EED: variants seen among roughly 807,000 people sequenced by gnomAD.
EED encodes embryonic ectoderm development, also known as polycomb protein EED.
A neutral mutation model predicts 61.0 loss-of-function variants in EED; 9 were observed. The observed-to-expected ratio is 0.15, with a 90% CI of 0.09 to 0.26. The LOEUF (loss-of-function observed/expected upper bound fraction) is 0.26, where lower values mean the gene tolerates loss of function less well. EED is among the 10% of genes least tolerant of loss of function. EED has a pLI of 1.00. For missense variants in EED, 315 were observed against 542.3 expected (o/e 0.58, Z 4.16); for synonymous variants, 187 against 174.4 (o/e 1.07, Z -0.57).
At chr11:86,282,298 T>C (rs977539820), downstream of EED, among the ~76,000 whole-genome samples, 3 of 152,240 alleles carry the variant, frequency 2.0e-5, no homozygotes, top group African/African-American at 7.2e-5. Context: ...TAATTGCTTT[T>C]AGTGATGGGA....
intron 3 of EED, among the ~76,000 whole-genome samples, chr11:86,253,533 A>C (rs1025399971): frequency 6.6e-6 from 1 of 152,234 alleles, no homozygotes; most frequent in African/African-American, 2.4e-5. Flanking sequence ...AATTATAAAA[A>C]GTTCTGCTGT....
intron 1 of EED, 80 bp downstream of exon 1, chr11:86,245,423 C>T (rs1257254370): frequency 2.0e-5 from 24 of 1,193,110 alleles, no homozygotes; most frequent in Non-Finnish European, 2.8e-5. Context: ...CGGGGACGAG[C>T]GGGCTGCTGT....
chr11:86,267,915 T>C (rs986591716), intron 8 of EED: 5 of 152,008 alleles, frequency 3.3e-5, no homozygotes, highest in Non-Finnish European at 7.3e-5. Context: ...ACTTAAGAAA[T>C]TTTAAATTCC....
intron 2 of EED, 23 bp from the exon 3 acceptor site, chr11:86,252,122 TTTC>T: frequency 6.3e-7 from 1 of 1,587,144 alleles, no homozygotes; most frequent in Non-Finnish European, 8.6e-7. Context: ...ACATTAATCT[TTTC>T]TTATTTCATG....
the EED span, among the ~76,000 whole-genome samples, chr11:86,285,116 C>T: frequency 1.9e-3 from 282 of 150,298 alleles, 1 homozygote; most frequent in African/African-American, 6.6e-3. Context: ...GTCTCAAAAA[C>T]GAAAAACCAA....
At chr11:86,280,224 T>G (rs1056657692), downstream of EED, among the ~76,000 whole-genome samples, 1 of 152,128 alleles carries the variant, frequency 6.6e-6, no homozygotes, top group African/African-American at 2.4e-5. Flanking sequence ...CCAGGTAGCT[T>G]GGATTACAGG....
intron 1 of EED, among the ~76,000 whole-genome samples, chr11:86,247,636 C>T (rs558542678): frequency 6.6e-6 from 1 of 152,036 alleles, no homozygotes; most frequent in African/African-American, 2.4e-5. Flanking sequence ...TTTTTTTTCC[C>T]CATTTGAGTT....
At chr11:86,279,835 C>A (rs868365335), downstream of EED, among the ~76,000 whole-genome samples, 6 of 152,048 alleles carry the variant, frequency 3.9e-5, no homozygotes, top group African/African-American at 1.4e-4. Context: ...GTCCAATGAA[C>A]GCTTCAATTG....
intron 9 of EED, among the ~76,000 whole-genome samples, chr11:86,274,476 G>A (rs1321443998): frequency 6.6e-6 from 1 of 152,160 alleles, no homozygotes; most frequent in Non-Finnish European, 1.5e-5. Flanking sequence ...ACCTTATTTA[G>A]ATCTTCTCTT....
rs1945339620 is a variant in EED at position 86,244,805 on chromosome 11, C to G, written c.-425C>G. 1.3e-5 allele frequency: 3 copies of G among 238,282 alleles called. No individual in the cohort carries two copies. Among genetic ancestry groups the G allele is most frequent in the Non-Finnish European group, 2.5e-5 (3 of 121,248 alleles). The allele number at this position is 238,282 out of a possible 1,614,324, so 14.8% of individuals were successfully genotyped here. ...CGGGTCGGAGATCGAAGGAACGGGCCAATTGCGGCTGAAACGTCTTTGGAA... is the reference window on the plus strand; with the variant it reads ...CGGGTCGGAGATCGAAGGAACGGGCGAATTGCGGCTGAAACGTCTTTGGAA... On this transcript the variant is annotated 5_prime_UTR_variant, in exon 1 of 12. Coordinates refer to ENST00000263360, the MANE Select transcript of EED (RefSeq NM_003797.5).
downstream of EED, among the ~76,000 whole-genome samples, chr11:86,280,568 A>G (rs2138245622): frequency 6.6e-6 from 1 of 152,326 alleles, no homozygotes; most frequent in Non-Finnish European, 1.5e-5. Context: ...GAAATCAAGA[A>G]GAAATTATAT....
intron 6 of EED, among the ~76,000 whole-genome samples, chr11:86,263,469 T>C (rs1447649343): frequency 1.3e-5 from 2 of 152,238 alleles, no homozygotes; most frequent in African/African-American, 2.4e-5. Context: ...CATTTTGTGC[T>C]GCTATAACAC....
Position 86,264,200 on chromosome 11 carries a change from G to A in EED, c.663G>A (p.Gln221=). ...KDHALRLWNI[Q]TDTLVAIFGG... ...ATGCTTTACGATTATGGAATATCCA[G>A]ACGGACACTCTGGTGGCAATATTTG... The change falls in exon 7 of 12, where the codon CAG becomes CAA. Residue 221 remains glutamine, a synonymous_variant. Coordinates refer to ENST00000263360, the MANE Select transcript of EED (RefSeq NM_003797.5). The A allele has an allele frequency of 6.2e-7, 1 of 1,613,968 alleles. No individual in the cohort carries two copies. The highest frequency in any genetic ancestry group is 8.5e-7 in the Non-Finnish European group (1 of 1,179,922).
chr11:86,245,722 A>G (rs1748788688), intron 1 of EED, among the ~76,000 whole-genome samples: 1 of 152,130 alleles, frequency 6.6e-6, no homozygotes, highest in African/African-American at 2.4e-5. Flanking sequence ...GGGCAGAGTT[A>G]GGGACCCTGT....
chr11:86,277,146 C>A lies in EED; in HGVS notation c.1125+8C>A. 1 of 1,554,700 alleles carries A rather than the reference C, an allele frequency of 6.4e-7. No individual in the cohort carries two copies. Among genetic ancestry groups the A allele is most frequent in the Middle Eastern group, 1.7e-4 (1 of 5,828 alleles). On this transcript the variant is annotated splice_region_variant and intron_variant, in intron 10 of 11. Transcript: ENST00000263360. ...ATGGATTTCTGGCAAAAGGTATCAA[C>A]ATACTTTTACATTTTGAAATGATCT...
chr11:86,255,589 G>A (rs1033957472), intron 4 of EED, among the ~76,000 whole-genome samples: 1 of 152,038 alleles, frequency 6.6e-6, no homozygotes, highest in African/African-American at 2.4e-5. Flanking sequence ...GAAAATATTA[G>A]CAAAGACTGA....
chr11:86,245,532 A>G (rs531321775), intron 1 of EED, among the ~76,000 whole-genome samples, 189 bp downstream of exon 1: 1 of 151,848 alleles, frequency 6.6e-6, no homozygotes, highest in African/African-American at 2.4e-5. Flanking sequence ...GCAAGCAGGA[A>G]CTAGGCAAAG....
intron 8 of EED, among the ~76,000 whole-genome samples, chr11:86,267,166 TGA>T (rs967450680): frequency 1.2e-4 from 18 of 152,326 alleles, no homozygotes; most frequent in African/African-American, 4.3e-4. Context: ...GTTTTTTCTT[TGA>T]GAGAGGTTTG....
downstream of EED, among the ~76,000 whole-genome samples, chr11:86,280,075 C>A (rs1447153921): frequency 6.6e-6 from 1 of 152,104 alleles, no homozygotes; most frequent in Non-Finnish European, 1.5e-5. Flanking sequence ...ATTCACTACT[C>A]CATTCTTGAG....
Sources: gnomAD v4.1 joint callset for allele counts (sites outside exome capture counted in the v4.1 genomes callset) on GRCh38, gnomAD v4.1.1 for gene constraint, MANE v1.5 for transcripts, NCBI Gene and HGNC (gene_info 2026-07-23, HGNC 2026-07-21) for gene names.